DHX30: variants seen among roughly 807,000 people sequenced by gnomAD.
DHX30 encodes the protein DExH-box helicase 30.
In DHX30, 4 loss-of-function variants were observed where a neutral mutation model predicts 116.9. The observed-to-expected ratio is 0.03, with a 90% confidence interval of 0.02 to 0.08. DHX30 has a LOEUF of 0.08. DHX30 is among the 10% of genes least tolerant of loss of function. The pLI is 1.00. For missense variants in DHX30, 871 were observed against 1,595.1 expected (o/e 0.55, Z 7.73); for synonymous variants, 697 against 651.7 (o/e 1.07, Z -1.06).
At chr3:47,818,481 C>T (rs2036155361) in intron 4 of DHX30, among the ~76,000 whole-genome samples, 1 of 152,138 alleles carries the variant, frequency 6.6e-6, no homozygotes. Flanking sequence ...GTGCTTGTAG[C>T]AGGGCTGGAA....
chr3:47,830,944 C>CAAT (rs1430090451), intron 6 of DHX30: 1 of 152,082 alleles, frequency 6.6e-6, no homozygotes, highest in African/African-American at 2.4e-5. Context: ...CCACAGGATG[C>CAAT]GTATTCCCTC....
chr3:47,816,547 G>C, intron 3 of DHX30: 2 of 936,904 alleles, frequency 2.1e-6, no homozygotes, highest in Non-Finnish European at 2.5e-6. Flanking sequence ...TAGTAGAGAC[G>C]GGGTTTCACC....
At position 47,810,793 on chromosome 3, in the gene DHX30, A is replaced by T. The variant is rs374322254; in HGVS notation, c.28+82A>T. The T allele has an allele frequency of 1.4e-4, 198 of 1,383,326 alleles. 1 individual carries two copies. In the East Asian group the frequency reaches 4.2e-3, roughly 29 times the overall value. 85.7% of individuals were successfully genotyped at this position (1,383,326 alleles called of 1,614,324 possible). ...CTGAGGGCTGTGAAAGTCTCTCCCC[A>T]GTATGTAGTTCTTGCACATTTCTTT... is the stretch of plus-strand genomic sequence containing the variant. On this transcript the variant is annotated intron_variant, in intron 3 of 21. Coordinates refer to ENST00000445061, the MANE Select transcript of DHX30 (RefSeq NM_138615.3).
In DHX30 at chr3:47,805,439, G is replaced by A; in HGVS notation, c.-28+19G>A. 2.5e-6 allele frequency: 1 copy of A among 398,994 alleles called. No individual in the cohort carries two copies. Among genetic ancestry groups the A allele is most frequent in the Non-Finnish European group, 4.4e-6 (1 of 226,046 alleles). The allele number at this position is 398,994 out of a possible 1,614,324, so 24.7% of individuals were successfully genotyped here. On this transcript the variant is annotated intron_variant, in intron 2 of 21. Coordinates refer to ENST00000445061, the MANE Select transcript of DHX30 (RefSeq NM_138615.3). ...TTATAAGGTAAGTTGATTTAGCCGTGCACAGAGCAGTGGTGGATCTGATGC... is the reference window on the plus strand; with the variant it reads ...TTATAAGGTAAGTTGATTTAGCCGTACACAGAGCAGTGGTGGATCTGATGC...
chr3:47,835,705 G>A (rs1402055624), intron 6 of DHX30, among the ~76,000 whole-genome samples: 1 of 152,186 alleles, frequency 6.6e-6, no homozygotes, highest in African/African-American at 2.4e-5. Context: ...GCCTCCCAAA[G>A]TTCTGGGATT....
intron 3 of DHX30, chr3:47,817,103 C>G (rs2036093441): frequency 2.7e-6 from 1 of 371,420 alleles, no homozygotes; most frequent in Non-Finnish European, 3.7e-6. Context: ...CTTTGTAGAA[C>G]AGGTGGTTTC....
At chr3:47,818,154 C>T in intron 4 of DHX30, 37 bp downstream of exon 4, 1 of 771,994 alleles carries the variant, frequency 1.3e-6, no homozygotes, top group Non-Finnish European at 2.4e-6. Flanking sequence ...ACAGCTTGGT[C>T]CAGGGTCTGT....
chr3:47,822,998 C>T (rs2036365673), intron 4 of DHX30, among the ~76,000 whole-genome samples: 1 of 147,838 alleles, frequency 6.8e-6, no homozygotes, highest in Non-Finnish European at 1.5e-5. Flanking sequence ...GGGGCTGAGC[C>T]AGGATAATGG....
rs181531235 is a variant in DHX30 at position 47,832,729 on chromosome 3, C to T, written c.366+3595C>T. 4.0e-3 allele frequency among the ~76,000 whole-genome samples: 600 copies of T among 151,808 alleles called. 5 individuals are homozygous for T. Among genetic ancestry groups the T allele is most frequent in the African/African-American group, 0.013 (544 of 41,354 alleles). On this transcript the variant is annotated intron_variant, in intron 6 of 21. Coordinates refer to ENST00000445061, the MANE Select transcript of DHX30 (RefSeq NM_138615.3). ...TCAGCTCACTGCAACCTCTGGCTCC[C>T]GGGCTCAAGTGATCCTCCCACCTCA...
At chr3:47,815,974 G>A (rs1362042337) in intron 3 of DHX30, 1 of 981,134 alleles carries the variant, frequency 1.0e-6, no homozygotes, top group Non-Finnish European at 1.2e-6. Context: ...ATCCCTGGAT[G>A]TGAATGAGGA....
At chr3:47,830,187 C>T (rs1355821900) in intron 6 of DHX30, among the ~76,000 whole-genome samples, 12 of 150,032 alleles carry the variant, frequency 8.0e-5, no homozygotes, top group Admixed American at 2.0e-4. Context: ...CGGTGGCTCA[C>T]GCCTGTATTC....
At chr3:47,835,600 C>T (rs559903821) in intron 6 of DHX30, among the ~76,000 whole-genome samples, 16 of 147,558 alleles carry the variant, frequency 1.1e-4, no homozygotes, top group South Asian at 2.2e-4. Context: ...CCACTGCGCC[C>T]GGCCAATTTT....
chr3:47,803,254 G>A, intron 1 of DHX30, 42 bp downstream of exon 1: 1 of 392,050 alleles, frequency 2.6e-6, no homozygotes, highest in South Asian at 1.3e-4. Flanking sequence ...GCCCTCTTGA[G>A]GAGCCTGCCG....
chr3:47,839,778 C>T (rs1184268418), intron 6 of DHX30, among the ~76,000 whole-genome samples: 8 of 151,994 alleles, frequency 5.3e-5, no homozygotes, highest in Non-Finnish European at 1.2e-4. Flanking sequence ...CAGGTTCAAG[C>T]GATTCTCCTG....
intron 4 of DHX30, among the ~76,000 whole-genome samples, chr3:47,821,343 G>A (rs1487517436): frequency 6.6e-6 from 1 of 151,978 alleles, no homozygotes; most frequent in Non-Finnish European, 1.5e-5. Flanking sequence ...TTGGCTCACC[G>A]CAACCTCCGC....
In DHX30 at chr3:47,849,497, G is replaced by T; in HGVS notation, c.3134G>T (p.Ser1045Ile). 1 of 1,590,700 alleles carries T rather than the reference G, an allele frequency of 6.3e-7. No individual in the cohort carries two copies. Among genetic ancestry groups the T allele is most frequent in the African/African-American group, 1.3e-5 (1 of 74,606 alleles). The change falls in exon 20 of 22, where the codon AGC becomes ATC. Residue 1045 changes from serine to isoleucine, a missense_variant. By Grantham distance (142) the Ser-to-Ile change is moderately radical (BLOSUM62 -2). Around this residue, in one of 13 missense-constraint regions of DHX30, gnomAD observed 238 missense variants for 481.0 expected, o/e 0.49. Coordinates refer to ENST00000445061, the MANE Select transcript of DHX30 (RefSeq NM_138615.3). ...VTRQGKFKPNSVTYRTKSGNI... is the reference protein window; with the variant it reads ...VTRQGKFKPNIVTYRTKSGNI... ...CGGCAGGGGAAGTTCAAGCCCAACA[G>T]CGTCACATATAGGACCAAATCAGGC...
rs765111407 is a variant in DHX30, at chr3:47,850,111, T to C, written c.3576T>C (p.Ala1192=). 2 of 1,589,904 alleles carry C rather than the reference T, an allele frequency of 1.3e-6. No homozygotes were observed. The highest frequency in any genetic ancestry group is 1.7e-6 in the Non-Finnish European group (2 of 1,170,980). ...GCAGCTTTGATGTGCGCAAGACAGCTGACGACTGAGCCCTGCTTCTGCTGG... is the reference window on the plus strand; with the variant it reads ...GCAGCTTTGATGTGCGCAAGACAGCCGACGACTGAGCCCTGCTTCTGCTGG... The part of the protein sequence containing the change: ...PCGSFDVRKT[A]DD Residue 1192 remains alanine (A), a synonymous_variant, in exon 22 of 22, where the codon GCT becomes GCC. Coordinates refer to ENST00000445061, the MANE Select transcript of DHX30 (RefSeq NM_138615.3).
At chr3:47,807,973 C>T (rs1332955325) in intron 2 of DHX30, among the ~76,000 whole-genome samples, 2 of 151,660 alleles carry the variant, frequency 1.3e-5, no homozygotes, top group African/African-American at 4.8e-5. Context: ...TGCAGTGGCG[C>T]AATCTCATCT....
chr3:47,848,728 C>T lies in DHX30; in HGVS notation c.2680C>T (p.Arg894Cys). ...GGCCATTGTGTTGGCTGCCATCTTCCGTTGCCTGCACCCACTACTGGTGGT... is the reference window on the plus strand; with the variant it reads ...GGCCATTGTGTTGGCTGCCATCTTCTGTTGCCTGCACCCACTACTGGTGGT... ...AKAIVLAAIF[R>C]CLHPLLVVVS... The change falls in exon 17 of 22, where the codon CGT (arginine) becomes TGT (cysteine). Residue 894 changes from arginine (R) to cysteine (C), a missense_variant. By Grantham distance (180) the Arg-to-Cys change is radical. Transcript: ENST00000445061. The surrounding 1 kb of genome is among the most constrained non-coding windows in gnomAD (Gnocchi z 9.4). 6.2e-7 allele frequency: 1 copy of T among 1,614,188 alleles called. No individual in the cohort carries two copies. Among genetic ancestry groups the T allele is most frequent in the Non-Finnish European group, 8.5e-7 (1 of 1,180,020 alleles).
Sources: gnomAD v4.1 joint callset for allele counts (sites outside exome capture counted in the v4.1 genomes callset) on GRCh38, gnomAD v4.1.1 for gene constraint, gnomAD v4.1.1 regional missense constraint, Gnocchi (gnomAD v3.1) non-coding constraint, MANE v1.5 for transcripts, NCBI Gene and HGNC (gene_info 2026-07-23, HGNC 2026-07-21) for gene names.